The following ACTR3B variants were observed in gnomAD, a reference collection of about 807,000 sequenced individuals.
The protein encoded by ACTR3B is actin related protein 3B.
ACTR3B carries 8 observed loss-of-function variants against 59.0 expected under a neutral mutation model. That is an observed-to-expected ratio of 0.14 (90% CI 0.08 to 0.24). ACTR3B has a LOEUF of 0.24. Among genes scored for constraint, ACTR3B ranks in the 10% least tolerant of loss-of-function variants. The pLI, the probability that ACTR3B is intolerant of heterozygous loss-of-function variation, is 1.00. For missense variants in ACTR3B, 245 were observed against 552.3 expected, an observed-to-expected ratio of 0.44 and a Z score of 5.58; for synonymous variants, 148 against 197.9, an observed-to-expected ratio of 0.75 and a Z score of 2.12.
intron 2 of ACTR3B, among the ~76,000 whole-genome samples, chr7:152,784,177 A>G (rs1003179684): frequency 1.3e-5 from 2 of 152,196 alleles, no homozygotes; most frequent in Non-Finnish European, 2.9e-5. Context: ...AGGATGTATT[A>G]ATCAAGAGAA....
intron 9 of ACTR3B, among the ~76,000 whole-genome samples, chr7:152,838,346 T>C (rs1797625692): frequency 6.6e-6 from 1 of 152,072 alleles, no homozygotes; most frequent in Non-Finnish European, 1.5e-5. Context: ...CATGGAATAC[T>C]ATGAAGCCAT....
chr7:152,807,962 G>A (rs989002187), intron 4 of ACTR3B, among the ~76,000 whole-genome samples: 3 of 152,068 alleles, frequency 2.0e-5, no homozygotes, highest in African/African-American at 7.2e-5. Flanking sequence ...ACAAACCATT[G>A]CCACCGTCTG....
rs1473819305 is a variant in ACTR3B, at chr7:152,788,164, C to T, written c.100+4922C>T. Among the ~76,000 whole-genome samples the T allele has an allele frequency of 7.7e-5, 4 of 51,954 alleles. No homozygotes were observed. The South Asian group carries it at 1.6e-3, about 21-fold the overall frequency. The allele number at this position is 51,954 out of a possible 152,430, so 34.1% of individuals were successfully genotyped here. On this transcript the variant is annotated intron_variant, in intron 2 of 11. Transcript: ENST00000256001. ...TAGAGATGGGGTTTCACCATGTTGG[C>T]CAGGCTGGTCTGGGAACTCCTGACC...
Position 152,794,793 on chromosome 7 carries a change from A to G in ACTR3B, c.101-5738A>G, listed in dbSNP as rs568280499. 2.8e-3 allele frequency among the ~76,000 whole-genome samples: 430 copies of G among 152,106 alleles called. 3 individuals carry two copies. Among genetic ancestry groups the G allele is most frequent in the African/African-American group, 9.9e-3 (410 of 41,476 alleles). ...GCCCATGTTCAGCCCAAGATCTCCAATGTCCTCTTCACTTCTCATTTCAGC... is the reference window on the plus strand; with the variant it reads ...GCCCATGTTCAGCCCAAGATCTCCAGTGTCCTCTTCACTTCTCATTTCAGC... On this transcript the variant is annotated intron_variant, in intron 2 of 11. Coordinates refer to ENST00000256001, the MANE Select transcript of ACTR3B (RefSeq NM_020445.6).
chr7:152,820,897 C>T (rs111509177), intron 7 of ACTR3B, among the ~76,000 whole-genome samples: 2,683 of 152,334 alleles, frequency 0.018, 52 homozygotes, highest in African/African-American at 0.062. Flanking sequence ...CTTTATGGCA[C>T]AGTTTCTGAG....
At chr7:152,809,360 T>G (rs1056055682) in intron 4 of ACTR3B, among the ~76,000 whole-genome samples, 1 of 151,866 alleles carries the variant, frequency 6.6e-6, no homozygotes, top group African/African-American at 2.4e-5. Context: ...GAAGAAGTGA[T>G]GCACACACAG....
chr7:152,816,176 G>C (rs987864137), intron 5 of ACTR3B, among the ~76,000 whole-genome samples: 2 of 152,172 alleles, frequency 1.3e-5, no homozygotes, highest in Admixed American at 6.5e-5. Context: ...CGAACTCTTG[G>C]GTTCAAGTGA....
At chr7:152,796,137 G>A (rs1277972195) in intron 2 of ACTR3B, among the ~76,000 whole-genome samples, 3 of 152,150 alleles carry the variant, frequency 2.0e-5, no homozygotes, top group East Asian at 1.9e-4. Flanking sequence ...GAGCCACCGC[G>A]CCCGGCCTTA....
At chr7:152,851,128 A>G (rs1798771294) in intron 9 of ACTR3B, among the ~76,000 whole-genome samples, 1 of 152,252 alleles carries the variant, frequency 6.6e-6, no homozygotes. Flanking sequence ...TTGTACATAC[A>G]TACCTATGAT....
intron 5 of ACTR3B, 62 bp downstream of exon 5, chr7:152,814,707 G>A (rs1292280104): frequency 7.0e-5 from 98 of 1,402,146 alleles, no homozygotes; most frequent in Non-Finnish European, 5.8e-5. Context: ...GGAAGAAATG[G>A]TATTTCCCAA....
intron 9 of ACTR3B, among the ~76,000 whole-genome samples, chr7:152,829,574 G>A (rs975820260): frequency 6.6e-6 from 1 of 152,172 alleles, no homozygotes; most frequent in African/African-American, 2.4e-5. Flanking sequence ...CTGCGGGGAA[G>A]CCTCCGTGTG....
At chr7:152,848,336 A>T (rs936827385) in intron 9 of ACTR3B, among the ~76,000 whole-genome samples, 2 of 152,194 alleles carry the variant, frequency 1.3e-5, no homozygotes, top group African/African-American at 4.8e-5. Flanking sequence ...CCCCTGACAT[A>T]TGGGCTGTTA....
intron 4 of ACTR3B, among the ~76,000 whole-genome samples, chr7:152,802,808 A>G (rs2098240790): frequency 6.6e-6 from 1 of 152,198 alleles, no homozygotes; most frequent in South Asian, 2.1e-4. Context: ...TGTTTTTAAG[A>G]ATTATCTGGT....
At chr7:152,825,476 GA>G (rs1240270585) in intron 9 of ACTR3B, among the ~76,000 whole-genome samples, 1 of 151,546 alleles carries the variant, frequency 6.6e-6, no homozygotes, top group Non-Finnish European at 1.5e-5. Flanking sequence ...CACACCCAGC[GA>G]ATTTTTTTTT....
intron 4 of ACTR3B, among the ~76,000 whole-genome samples, chr7:152,805,331 G>A (rs1023826300): frequency 3.9e-5 from 6 of 152,222 alleles, no homozygotes; most frequent in African/African-American, 1.4e-4. Flanking sequence ...TTTTGTACAT[G>A]CTGAGGTCGA....
chr7:152,785,420 G>A (rs1270126794), intron 2 of ACTR3B, among the ~76,000 whole-genome samples: 1 of 7,998 alleles, frequency 1.3e-4, no homozygotes, highest in Non-Finnish European at 2.5e-4. Context: ...GGAGGGAGAG[G>A]GAGGGAGAGA....
chr7:152,800,802 G>C, intron 3 of ACTR3B, 147 bp downstream of exon 3: 1 of 995,148 alleles, frequency 1.0e-6, no homozygotes, highest in Non-Finnish European at 1.4e-6. Context: ...GTGATGGTTG[G>C]TTTTGAATGG....
In ACTR3B at chr7:152,797,866, CT is replaced by C. The variant is rs201750783; in HGVS notation, c.101-2655del. On this transcript the variant is annotated intron_variant, in intron 2 of 11. Transcript: ENST00000256001. ...TGTTGTGGGCAGATGGCAGAATTTC[CT>C]TTTTTTTTTAAATGGCTGAATAGTA... 1.4e-4 allele frequency among the ~76,000 whole-genome samples: 21 copies of C among 149,620 alleles called. No homozygotes were observed. The East Asian group carries it at 2.3e-3, about 17-fold the overall frequency.
chr7:152,825,158 T>C (rs1796471462), intron 9 of ACTR3B, 36 bp downstream of exon 9: 1 of 1,598,290 alleles, frequency 6.3e-7, no homozygotes, highest in Non-Finnish European at 8.5e-7. Flanking sequence ...TTGATTTCAT[T>C]CCACAATTAA....
Sources: allele counts gnomAD v4.1 joint callset (sites outside exome capture counted in the v4.1 genomes callset), GRCh38; gene constraint gnomAD v4.1.1; transcripts MANE v1.5; gene names NCBI Gene and HGNC (gene_info 2026-07-23, HGNC 2026-07-21).